Variants in SAMSN1 observed in about 807,000 individuals in gnomAD.
SAMSN1 encodes the protein SAM domain, SH3 domain and nuclear localization signals 1.
SAMSN1 carries 31 observed loss-of-function variants against 42.0 expected under a neutral mutation model. The ratio of observed to expected loss-of-function variants is 0.74; its 90% CI spans 0.55 to 1.00. The LOEUF is 1.00. SAMSN1 is among the 50% of genes least tolerant of loss of function. The pLI is 0.00. For missense variants in SAMSN1, 464 were observed against 439.4 expected (o/e 1.06, Z -0.50); for synonymous variants, 178 against 151.9 (o/e 1.17, Z -1.26).
At position 14,504,210 on chromosome 21, in the gene SAMSN1, A is replaced by G. The variant is rs116845297; in HGVS notation, c.562-3475T>C. Among the ~76,000 whole-genome samples, 15 of 152,280 alleles carry G rather than the reference A, an allele frequency of 9.9e-5. 1 individual carries two copies. The highest frequency in any genetic ancestry group is 9.6e-4 in the East Asian group (5 of 5,182). On this transcript the variant is annotated intron_variant, in intron 5 of 7. Transcript: ENST00000400566. ...AAAACAAGCTTCTTTAACACCATCAAAAAAATCACACTAGCTCACCACCAA... is the reference window on the plus strand; with the variant it reads ...AAAACAAGCTTCTTTAACACCATCAGAAAAATCACACTAGCTCACCACCAA...
At chr21:14,530,689 G>A (rs530964384) in intron 1 of SAMSN1, among the ~76,000 whole-genome samples, 2 of 152,198 alleles carry the variant, frequency 1.3e-5, no homozygotes, top group Non-Finnish European at 2.9e-5. Flanking sequence ...GTGTTGAGAA[G>A]CGTTCTAAAG....
intron 2 of SAMSN1, among the ~76,000 whole-genome samples, chr21:14,625,336 T>C (rs1160182404): frequency 1.3e-5 from 2 of 152,168 alleles, no homozygotes; most frequent in Admixed American, 6.5e-5. Flanking sequence ...GGAAGTCAAA[T>C]TGTCCCTGTT....
chr21:14,517,127 G>T, intron 2 of SAMSN1, 86 bp from the exon 3 acceptor site: 1 of 1,305,192 alleles, frequency 7.7e-7, no homozygotes. Context: ...AACATTCTGA[G>T]TTTGTGGATT....
chr21:14,635,130 A>G (rs979539640), intron 2 of SAMSN1, among the ~76,000 whole-genome samples: 5 of 152,186 alleles, frequency 3.3e-5, no homozygotes, highest in Non-Finnish European at 7.3e-5. Flanking sequence ...GAGTTGAACA[A>G]TGAGAACACA....
intron 1 of SAMSN1, among the ~76,000 whole-genome samples, chr21:14,537,928 G>A (rs577022336): frequency 1.5e-4 from 23 of 152,278 alleles, no homozygotes; most frequent in African/African-American, 5.1e-4. Context: ...ACAGTGAGTA[G>A]CAAGTTCTTA....
At chr21:14,541,998 AAG>A (rs1555835240) in intron 1 of SAMSN1, among the ~76,000 whole-genome samples, 1 of 151,696 alleles carries the variant, frequency 6.6e-6, no homozygotes, top group African/African-American at 2.4e-5. Context: ...AAAAAAAAAA[AAG>A]GAAGGAAGGA....
At chr21:14,536,950 T>A (rs1979662906) in intron 1 of SAMSN1, among the ~76,000 whole-genome samples, 1 of 152,140 alleles carries the variant, frequency 6.6e-6, no homozygotes, top group Non-Finnish European at 1.5e-5. Flanking sequence ...GGGCCGTTCC[T>A]TTGTCTGAAC....
chr21:14,561,270 C>T (rs185533527), intron 2 of SAMSN1, among the ~76,000 whole-genome samples: 36 of 152,226 alleles, frequency 2.4e-4, no homozygotes, highest in Middle Eastern at 6.8e-3. Context: ...CAGCAGCACC[C>T]ATTCCCTAAC....
At chr21:14,502,712 C>T (rs1026635542) in intron 5 of SAMSN1, among the ~76,000 whole-genome samples, 2 of 152,110 alleles carry the variant, frequency 1.3e-5, no homozygotes. Context: ...TATGGGTACC[C>T]TTTCCCCAAG....
chr21:14,609,440 T>C, intron 5 of SAMSN1: 1 of 717,132 alleles, frequency 1.4e-6, no homozygotes, highest in Non-Finnish European at 2.6e-6. Flanking sequence ...TTAAACTACT[T>C]TGGGAAAATG....
chr21:14,640,349 T>G (rs1983564713), intron 2 of SAMSN1, among the ~76,000 whole-genome samples: 1 of 152,166 alleles, frequency 6.6e-6, no homozygotes, highest in African/African-American at 2.4e-5. Context: ...AGTAACTCTC[T>G]TCTCTGGAAA....
At chr21:14,571,407 A>T (rs1310972497) in intron 2 of SAMSN1, among the ~76,000 whole-genome samples, 2 of 152,182 alleles carry the variant, frequency 1.3e-5, no homozygotes, top group African/African-American at 2.4e-5. Context: ...CCATATTTCT[A>T]ATCCAATTAT....
chr21:14,585,600 C>T (rs1981892983), upstream of SAMSN1: 1 of 152,294 alleles, frequency 6.6e-6, no homozygotes, highest in East Asian at 1.9e-4. Flanking sequence ...ATTTTGTTCA[C>T]ATTCTATTGT....
intron 2 of SAMSN1, among the ~76,000 whole-genome samples, chr21:14,640,508 CT>C (rs1002723011): frequency 3.3e-5 from 5 of 151,990 alleles, no homozygotes; most frequent in African/African-American, 1.2e-4. Context: ...TGGTCCGAAA[CT>C]TTTTTTCCTT....
At chr21:14,535,364 G>A (rs765539003) in intron 1 of SAMSN1, among the ~76,000 whole-genome samples, 2 of 152,202 alleles carry the variant, frequency 1.3e-5, no homozygotes, top group Admixed American at 6.5e-5. Context: ...AGACTGGAGA[G>A]TGTAGGTAAA....
At chr21:14,655,425 G>C (rs1983900632) in intron 1 of SAMSN1, among the ~76,000 whole-genome samples, 1 of 151,652 alleles carries the variant, frequency 6.6e-6, no homozygotes, top group Admixed American at 6.6e-5. Flanking sequence ...TATTAACATA[G>C]TTTTTAAAAT....
At chr21:14,560,773 G>T (rs1019402220) in intron 2 of SAMSN1, among the ~76,000 whole-genome samples, 1 of 152,068 alleles carries the variant, frequency 6.6e-6, no homozygotes, top group Non-Finnish European at 1.5e-5. Context: ...TTCTTCAGTG[G>T]TTCCCCACCC....
chr21:14,501,756 A>C (rs1987165111), intron 5 of SAMSN1, among the ~76,000 whole-genome samples: 1 of 152,238 alleles, frequency 6.6e-6, no homozygotes, highest in South Asian at 2.1e-4. Flanking sequence ...TAAGGTATTC[A>C]TGCTCTCCTC....
intron 1 of SAMSN1, among the ~76,000 whole-genome samples, chr21:14,526,262 T>C (rs151010730): frequency 3.5e-4 from 54 of 152,344 alleles, no homozygotes; most frequent in Admixed American, 1.4e-3. Context: ...GGGAACAAAA[T>C]AAACTTGCGT....
Sources: allele counts gnomAD v4.1 joint callset (sites outside exome capture counted in the v4.1 genomes callset), GRCh38; gene constraint gnomAD v4.1.1; transcripts MANE v1.5; gene names NCBI Gene and HGNC (gene_info 2026-07-23, HGNC 2026-07-21).